The following CDH22 variants were observed in gnomAD, a reference collection of about 807,000 sequenced individuals.
The protein encoded by CDH22 is cadherin 22.
A neutral mutation model predicts 58.4 loss-of-function variants in CDH22; 30 were observed. That is an observed-to-expected ratio of 0.51 (90% CI 0.38 to 0.70). The LOEUF (loss-of-function observed/expected upper bound fraction) is 0.70. CDH22 is among the 30% of genes least tolerant of loss of function. The pLI is 0.00. For missense variants in CDH22, 1,014 were observed against 1,233.9 expected, an observed-to-expected ratio of 0.82 and a Z score of 2.67; for synonymous variants, 513 against 558.2, an observed-to-expected ratio of 0.92 and a Z score of 1.14.
intron 1 of CDH22, among the ~76,000 whole-genome samples, chr20:46,263,149 G>A (rs1568677485): frequency 1.3e-5 from 2 of 152,182 alleles, no homozygotes; most frequent in Non-Finnish European, 2.9e-5. Context: ...ACACTTCAGT[G>A]CTGTGATCAG....
At chr20:46,208,881 C>T (rs1338894064) in intron 7 of CDH22, among the ~76,000 whole-genome samples, 1 of 152,240 alleles carries the variant, frequency 6.6e-6, no homozygotes, top group Admixed American at 6.5e-5. Context: ...GCATGAGCCA[C>T]CACACCCGGC....
chr20:46,295,587 C>A (rs903043078), intron 1 of CDH22, among the ~76,000 whole-genome samples: 1 of 152,152 alleles, frequency 6.6e-6, no homozygotes, highest in Admixed American at 6.5e-5. Context: ...TAAGGACAGG[C>A]AGCTAGGAAG....
At position 46,192,990 on chromosome 20, in the gene CDH22, T is replaced by A. The variant is rs370753056; in HGVS notation, c.1424-6043A>T. Among the ~76,000 whole-genome samples the A allele has an allele frequency of 2.1e-3, 323 of 152,200 alleles. 10 individuals are homozygous for A. The South Asian group carries it at 0.063, about 30-fold the overall frequency. On this transcript the variant is annotated intron_variant, in intron 8 of 11. Transcript: ENST00000537909. ...AAGGGACTTCAGTGATCTATTTGGT[T>A]TCCACATGGAGACTGGAAGCTTTGA...
intron 1 of CDH22, among the ~76,000 whole-genome samples, chr20:46,259,775 A>G (rs1186450986): frequency 6.6e-6 from 1 of 152,224 alleles, no homozygotes; most frequent in African/African-American, 2.4e-5. Flanking sequence ...CTAGGACATG[A>G]ATGGGATACA....
intron 1 of CDH22, among the ~76,000 whole-genome samples, chr20:46,305,384 C>T (rs1423457730): frequency 6.6e-6 from 1 of 152,156 alleles, no homozygotes; most frequent in Non-Finnish European, 1.5e-5. Flanking sequence ...GAGGGTGTGC[C>T]CACTCTTGCG....
chr20:46,174,944 G>A lies in CDH22; in HGVS notation c.2049C>T (p.Tyr683=). The change falls in exon 12 of 12, where the codon TAC becomes TAT. Residue 683 remains tyrosine, a synonymous_variant. Coordinates refer to ENST00000537909, the MANE Select transcript of CDH22 (RefSeq NM_021248.3). This position sits in a 1 kb window ranked among gnomAD's most constrained non-coding sequence, Gnocchi z 4.4. ...AGAGGCTCCGCAGCGCCGACATGTCGTAGGCTTCGGTGTCCTGCTCGCCGC... is the reference window on the plus strand; with the variant it reads ...AGAGGCTCCGCAGCGCCGACATGTCATAGGCTTCGGTGTCCTGCTCGCCGC... ...EGGGEQDTEA[Y]DMSALRSLYD... 3 of 1,598,280 alleles carry A rather than the reference G, an allele frequency of 1.9e-6. No individual in the cohort carries two copies. Among genetic ancestry groups the A allele is most frequent in the Non-Finnish European group, 2.5e-6 (3 of 1,178,480 alleles).
chr20:46,291,072 T>G (rs2145776562), intron 1 of CDH22, among the ~76,000 whole-genome samples: 1 of 151,970 alleles, frequency 6.6e-6, no homozygotes, highest in African/African-American at 2.4e-5. Context: ...AGGTCAGGAG[T>G]TCGAGACCAG....
intron 3 of CDH22, among the ~76,000 whole-genome samples, chr20:46,229,298 C>CG: frequency 6.8e-6 from 1 of 147,658 alleles, no homozygotes; most frequent in African/African-American, 2.5e-5. Context: ...GGCCCCCCCC[C>CG]CCAATTTTAC....
At chr20:46,256,069 G>C (rs759551222) in intron 1 of CDH22, among the ~76,000 whole-genome samples, 2 of 152,276 alleles carry the variant, frequency 1.3e-5, no homozygotes, top group South Asian at 4.1e-4. Context: ...TTCTGTGTGC[G>C]TGCGAACATG....
intron 8 of CDH22, among the ~76,000 whole-genome samples, chr20:46,193,956 C>G (rs371331879): frequency 4.6e-5 from 7 of 152,258 alleles, no homozygotes; most frequent in African/African-American, 1.7e-4. Flanking sequence ...GAGTTGGACA[C>G]AAGCCTGGGT....
chr20:46,212,130 T>C (rs1383341477), intron 6 of CDH22, among the ~76,000 whole-genome samples: 6 of 152,228 alleles, frequency 3.9e-5, no homozygotes, highest in African/African-American at 1.4e-4. Context: ...ATGTGCTTGC[T>C]GAGCAAAAGA....
rs749965640 is a variant in CDH22, at chr20:46,174,623, G to T, written c.2370C>A (p.Ser790Arg). ...AGTCCTGCTCGGAGCCCGACGAGCC[G>T]CTGTGCAGGGAGCTGAGCGAGGCGG... ...SPAASLSSLH[S>R]GSSGSEQDFA... The change falls in exon 12 of 12, where the codon AGC becomes AGA. Residue 790 changes from serine (S) to arginine (R), a missense_variant. By Grantham distance (110) the Ser-to-Arg change is moderately radical. Around this residue, in one of 2 missense-constraint regions of CDH22, gnomAD observed 208 missense variants for 195.2 expected, o/e 1.07. Coordinates refer to ENST00000537909, the MANE Select transcript of CDH22 (RefSeq NM_021248.3). The surrounding 1 kb of genome is among the most constrained non-coding windows in gnomAD (Gnocchi z 4.4). 4.5e-6 allele frequency: 7 copies of T among 1,546,824 alleles called. No individual in the cohort carries two copies. Among genetic ancestry groups the T allele is most frequent in the South Asian group, 2.4e-5 (2 of 84,500 alleles).
chr20:46,224,067 G>A (rs910349240), intron 4 of CDH22, among the ~76,000 whole-genome samples: 2 of 152,120 alleles, frequency 1.3e-5, no homozygotes, highest in South Asian at 4.1e-4. Flanking sequence ...TGGCCAGGCT[G>A]GTGTCAAACT....
At chr20:46,193,505 G>C (rs1285083861) in intron 8 of CDH22, among the ~76,000 whole-genome samples, 2 of 152,128 alleles carry the variant, frequency 1.3e-5, no homozygotes, top group African/African-American at 4.8e-5. Context: ...GAACCCGAGG[G>C]AACACTGGGG....
At chr20:46,289,938 G>C (rs2086593333) in intron 1 of CDH22, among the ~76,000 whole-genome samples, 1 of 152,192 alleles carries the variant, frequency 6.6e-6, no homozygotes, top group African/African-American at 2.4e-5. Flanking sequence ...GGAAGTTCAG[G>C]AAACTAAAGT....
chr20:46,308,212 G>A lies in CDH22; in HGVS notation c.-400+43C>T, dbSNP rs1259126266. On this transcript the variant is annotated intron_variant, in intron 1 of 11. Coordinates refer to ENST00000537909, the MANE Select transcript of CDH22 (RefSeq NM_021248.3). This position sits in a 1 kb window ranked among gnomAD's most constrained non-coding sequence, Gnocchi z 4.3. The stretch of plus-strand genomic sequence containing the variant: ...CTCCCTGCCGGGCAGCCTCCCCTCG[G>A]CGGCGATCCGGCCGCTCCTCCCGCG... 1 of 151,478 alleles carries A rather than the reference G, an allele frequency of 6.6e-6. No homozygotes were observed. The highest frequency in any genetic ancestry group is 2.0e-4 in the East Asian group (1 of 5,060). The allele number at this position is 151,478 out of a possible 1,614,324, so 9.4% of individuals were successfully genotyped here.
At chr20:46,238,684 C>G (rs2086270606) in intron 3 of CDH22, among the ~76,000 whole-genome samples, 1 of 152,206 alleles carries the variant, frequency 6.6e-6, no homozygotes, top group Non-Finnish European at 1.5e-5. Context: ...CACTCCATAT[C>G]CAATCCATTA....
At chr20:46,276,343 G>C (rs1420444079) in intron 1 of CDH22, among the ~76,000 whole-genome samples, 1 of 152,216 alleles carries the variant, frequency 6.6e-6, no homozygotes, top group African/African-American at 2.4e-5. Context: ...CACTTCGGCT[G>C]TCAAGAGCAG....
chr20:46,196,857 G>A (rs117405418), intron 8 of CDH22, among the ~76,000 whole-genome samples: 2,849 of 152,298 alleles, frequency 0.019, 36 homozygotes, highest in Non-Finnish European at 0.027. Flanking sequence ...ACTAGGCTAA[G>A]TTCTTCCCAT....
Sources: gnomAD v4.1 joint callset for allele counts (sites outside exome capture counted in the v4.1 genomes callset) on GRCh38, gnomAD v4.1.1 for gene constraint, gnomAD v4.1.1 regional missense constraint, Gnocchi (gnomAD v3.1) non-coding constraint, MANE v1.5 for transcripts, NCBI Gene and HGNC (gene_info 2026-07-23, HGNC 2026-07-21) for gene names.